The following ADAMTS20 variants were observed in gnomAD, a reference collection of about 807,000 sequenced individuals.
The protein encoded by ADAMTS20 is ADAM metallopeptidase with thrombospondin type 1 motif 20.
Under a neutral mutation model 260.1 loss-of-function variants are expected in ADAMTS20, and 225 were observed. The ratio of observed to expected loss-of-function variants is 0.87; its 90% CI spans 0.78 to 0.97. ADAMTS20 has a LOEUF of 0.97. ADAMTS20 is among the 50% of genes least tolerant of loss of function. The pLI is 0.00. For missense variants in ADAMTS20, 2,400 were observed against 2,337.7 expected, an observed-to-expected ratio of 1.03 and a Z score of -0.55; for synonymous variants, 802 against 769.5, an observed-to-expected ratio of 1.04 and a Z score of -0.70.
intron 2 of ADAMTS20, among the ~76,000 whole-genome samples, chr12:43,548,524 A>T (rs1233400519): frequency 1.4e-5 from 2 of 141,888 alleles, no homozygotes; most frequent in South Asian, 2.2e-4. Flanking sequence ...TCTAAAATCT[A>T]CCAGGTTCTA....
chr12:43,504,686 T>C (rs928379958), intron 3 of ADAMTS20, among the ~76,000 whole-genome samples: 1 of 152,194 alleles, frequency 6.6e-6, no homozygotes, highest in Admixed American at 6.5e-5. Context: ...TCAGGAAACA[T>C]TTAGGTATTG....
intron 3 of ADAMTS20, among the ~76,000 whole-genome samples, chr12:43,506,748 G>A (rs1473272569): frequency 6.6e-6 from 1 of 151,140 alleles, no homozygotes; most frequent in Non-Finnish European, 1.5e-5. Context: ...AAAGTGTTGG[G>A]ATTACAGGCG....
At chr12:43,401,555 A>C (rs1282511444) in intron 28 of ADAMTS20, among the ~76,000 whole-genome samples, 2 of 151,878 alleles carry the variant, frequency 1.3e-5, no homozygotes, top group Non-Finnish European at 2.9e-5. Flanking sequence ...CAAGAAACTG[A>C]ATAGTCTTCT....
chr12:43,369,463 T>C, intron 36 of ADAMTS20, 82 bp from the exon 37 acceptor site: 2 of 662,244 alleles, frequency 3.0e-6, no homozygotes, highest in Non-Finnish European at 4.4e-6. Context: ...TCTTATTACT[T>C]ACTTAGTAAA....
intron 37 of ADAMTS20, among the ~76,000 whole-genome samples, chr12:43,358,127 A>T (rs1322129383): frequency 6.6e-6 from 1 of 152,196 alleles, no homozygotes; most frequent in African/African-American, 2.4e-5. Flanking sequence ...TGGGCCATGC[A>T]ACCTAATACT....
intron 14 of ADAMTS20, among the ~76,000 whole-genome samples, chr12:43,449,443 A>G (rs970130773): frequency 3.9e-5 from 6 of 152,098 alleles, no homozygotes; most frequent in Non-Finnish European, 7.4e-5. Context: ...ATGAGAACAT[A>G]TGGGCACAAA....
Position 43,432,405 on chromosome 12 carries a change from G to A in ADAMTS20, c.2995C>T (p.His999Tyr), listed in dbSNP as rs759425088. Reference protein sequence around the residue: ...RESYCMNNFGHRLADNECQEL... With the variant: ...RESYCMNNFGYRLADNECQEL... Reference sequence around the variant, plus strand: ...TGGCATTCATTGTCAGCAAGACGATGGCCAAAGTTATTCATACAATAAGAT... The same window carrying A: ...TGGCATTCATTGTCAGCAAGACGATAGCCAAAGTTATTCATACAATAAGAT... The change falls in exon 21 of 39, where the codon CAT becomes TAT. Residue 999 changes from histidine (H) to tyrosine (Y), a missense_variant. Coordinates refer to ENST00000389420, the MANE Select transcript of ADAMTS20 (RefSeq NM_025003.5). 6.2e-7 allele frequency: 1 copy of A among 1,613,416 alleles called. No homozygotes were observed. The highest frequency in any genetic ancestry group is 1.7e-5 in the Admixed American group (1 of 59,964).
intron 7 of ADAMTS20, among the ~76,000 whole-genome samples, chr12:43,479,400 A>T (rs1439148579): frequency 6.6e-6 from 1 of 152,198 alleles, no homozygotes; most frequent in Non-Finnish European, 1.5e-5. Flanking sequence ...CTTTTAAAGT[A>T]TACATGGAGT....
intron 28 of ADAMTS20, among the ~76,000 whole-genome samples, chr12:43,418,969 T>C (rs944397901): frequency 2.6e-5 from 4 of 152,162 alleles, no homozygotes; most frequent in African/African-American, 9.7e-5. Flanking sequence ...AAAGAAGTTA[T>C]TGAAACCACA....
At chr12:43,375,266 G>T in intron 36 of ADAMTS20, 113 bp downstream of exon 36, 7 of 1,051,138 alleles carry the variant, frequency 6.7e-6, no homozygotes, top group Admixed American at 6.8e-5. Context: ...AGTAATTTTT[G>T]CACAATGTCA....
At chr12:43,502,841 A>T (rs1942787444) in intron 3 of ADAMTS20, among the ~76,000 whole-genome samples, 1 of 152,122 alleles carries the variant, frequency 6.6e-6, no homozygotes, top group African/African-American at 2.4e-5. Flanking sequence ...TAAAATATAG[A>T]AAAAAACAAA....
At chr12:43,545,773 C>CT (rs147609489) in intron 2 of ADAMTS20, among the ~76,000 whole-genome samples, 33,428 of 151,226 alleles carry the variant, frequency 0.22, 4,683 homozygotes, top group Non-Finnish European at 0.32. Context: ...CATTCTCATC[C>CT]TTTTTTTTTC....
chr12:43,532,555 G>GTTTTT (rs370124548), intron 2 of ADAMTS20, among the ~76,000 whole-genome samples: 2 of 137,318 alleles, frequency 1.5e-5, no homozygotes, highest in Non-Finnish European at 3.1e-5. Context: ...TTTTTTTAAT[G>GTTTTT]TTTTTTTTTT....
intron 29 of ADAMTS20, among the ~76,000 whole-genome samples, chr12:43,395,398 A>G (rs1940678690): frequency 1.3e-5 from 2 of 152,178 alleles, no homozygotes; most frequent in African/African-American, 4.8e-5. Flanking sequence ...ATACTTATGT[A>G]TTTTTGAAAT....
intron 11 of ADAMTS20, 80 bp from the exon 12 acceptor site, chr12:43,454,132 G>T (rs1941922469): frequency 6.8e-7 from 1 of 1,479,974 alleles, no homozygotes; most frequent in African/African-American, 1.4e-5. Flanking sequence ...GCAGCATAAA[G>T]ATCAACAGAA....
chr12:43,547,642 G>T (rs1281772205), intron 2 of ADAMTS20, among the ~76,000 whole-genome samples: 1 of 152,154 alleles, frequency 6.6e-6, no homozygotes, highest in Non-Finnish European at 1.5e-5. Flanking sequence ...CCTTTAGAGG[G>T]GTCTGCAAGA....
chr12:43,456,744 G>T (rs1941971221), intron 11 of ADAMTS20, among the ~76,000 whole-genome samples: 1 of 152,160 alleles, frequency 6.6e-6, no homozygotes, highest in African/African-American at 2.4e-5. Flanking sequence ...GCTAGGGTTG[G>T]ACTGCATAGT....
intron 4 of ADAMTS20, among the ~76,000 whole-genome samples, chr12:43,495,012 A>G (rs1942657512): frequency 6.6e-6 from 1 of 152,232 alleles, no homozygotes. Context: ...ATGCACTATG[A>G]GGTGTCTACA....
Position 43,502,062 on chromosome 12 carries a change from GAGTTTGGAAAA to G in ADAMTS20, c.867+79_867+89del, listed in dbSNP as rs1942774103. ...ACCTAGATACAAAATTACATCTAAAGAGTTTGGAAAAAAAATTTAATTCGACATGAAAAAAT... is the reference window on the plus strand; with the variant it reads ...ACCTAGATACAAAATTACATCTAAAGAAAATTTAATTCGACATGAAAAAAT... On this transcript the variant is annotated intron_variant, in intron 4 of 38. Coordinates refer to ENST00000389420, the MANE Select transcript of ADAMTS20 (RefSeq NM_025003.5). 20 of 1,255,568 alleles carry G rather than the reference GAGTTTGGAAAA, an allele frequency of 1.6e-5. No individual in the cohort carries two copies. In the South Asian group the frequency reaches 3.0e-4, roughly 19 times the overall value. 77.8% of individuals were successfully genotyped at this position (1,255,568 alleles called of 1,614,324 possible). A position where few individuals can be genotyped will look rare whatever the true frequency, so the allele number is the denominator to read the frequency against.
Sources: allele counts gnomAD v4.1 joint callset (sites outside exome capture counted in the v4.1 genomes callset), GRCh38; gene constraint gnomAD v4.1.1; transcripts MANE v1.5; gene names NCBI Gene and HGNC (gene_info 2026-07-23, HGNC 2026-07-21).